NDST4: variants seen among roughly 807,000 people sequenced by gnomAD.
The protein encoded by NDST4 is N-heparan sulfate sulfotransferase 4.
Under a neutral mutation model 100.8 loss-of-function variants are expected in NDST4, and 63 were observed. The observed-to-expected ratio is 0.62, with a 90% CI of 0.51 to 0.77. The LOEUF (loss-of-function observed/expected upper bound fraction) is 0.77, where lower values mean the gene tolerates loss of function less well. Among genes scored for constraint, NDST4 ranks in the 30% least tolerant of loss-of-function variants. The pLI is 0.00. For missense variants in NDST4, 943 were observed against 1,018.4 expected, an observed-to-expected ratio of 0.93 and a Z score of 1.01; for synonymous variants, 377 against 361.8, an observed-to-expected ratio of 1.04 and a Z score of -0.48.
At chr4:115,084,877 A>AC (rs34684234) in intron 1 of NDST4, among the ~76,000 whole-genome samples, 89 of 151,900 alleles carry the variant, frequency 5.9e-4, no homozygotes, top group East Asian at 5.8e-3. Flanking sequence ...GGTTGTAGCC[A>AC]CCCCCCCCAC....
chr4:114,847,327 G>A (rs1723571258), intron 9 of NDST4, among the ~76,000 whole-genome samples: 1 of 105,838 alleles, frequency 9.4e-6, no homozygotes, highest in Admixed American at 1.2e-4. Context: ...AGTGAGCCGA[G>A]ATCCCGCCAC....
chr4:114,908,581 A>G (rs1725000130), intron 6 of NDST4, among the ~76,000 whole-genome samples: 1 of 152,114 alleles, frequency 6.6e-6, no homozygotes, highest in African/African-American at 2.4e-5. Flanking sequence ...CATTTTACTG[A>G]TTAGCAGCTG....
At chr4:115,097,191 A>C (rs549719731) in intron 1 of NDST4, among the ~76,000 whole-genome samples, 1 of 152,236 alleles carries the variant, frequency 6.6e-6, no homozygotes, top group South Asian at 2.1e-4. Flanking sequence ...AGTTTTAAGT[A>C]CTATTGATAA....
At chr4:115,096,410 A>G (rs1008337569) in intron 1 of NDST4, among the ~76,000 whole-genome samples, 3 of 151,986 alleles carry the variant, frequency 2.0e-5, no homozygotes, top group African/African-American at 7.2e-5. Flanking sequence ...ATTTTTCTCT[A>G]TCTTCAAACT....
At chr4:114,840,564 C>T (rs958528940) in intron 10 of NDST4, among the ~76,000 whole-genome samples, 1 of 152,090 alleles carries the variant, frequency 6.6e-6, no homozygotes, top group East Asian at 1.9e-4. Flanking sequence ...ACGGTTGAAG[C>T]TTTCAAGCTA....
chr4:115,017,745 A>G (rs1277151206), intron 2 of NDST4, among the ~76,000 whole-genome samples: 2 of 152,042 alleles, frequency 1.3e-5, no homozygotes, highest in Non-Finnish European at 2.9e-5. Context: ...AGGAACAAAA[A>G]GGCAATCATT....
chr4:114,968,172 C>T (rs1049026111), intron 4 of NDST4, among the ~76,000 whole-genome samples: 1 of 152,178 alleles, frequency 6.6e-6, no homozygotes, highest in African/African-American at 2.4e-5. Flanking sequence ...GAGTGATGAG[C>T]TATTAGCTTA....
At chr4:114,870,652 G>T in intron 7 of NDST4, 116 bp downstream of exon 7, 1 of 790,014 alleles carries the variant, frequency 1.3e-6, no homozygotes, top group South Asian at 4.1e-5. Context: ...GTATAAAAGA[G>T]GATTTTGTGT....
intron 2 of NDST4, among the ~76,000 whole-genome samples, chr4:115,064,995 T>TTA (rs1223525969): frequency 6.6e-6 from 1 of 152,140 alleles, no homozygotes; most frequent in East Asian, 1.9e-4. Flanking sequence ...TCCTCATCCT[T>TTA]CCAGCATCTT....
In NDST4 at chr4:114,986,810, A is replaced by G. The variant is rs1385583158; in HGVS notation, c.979-9536T>C. On this transcript the variant is annotated intron_variant, in intron 2 of 13. Coordinates refer to ENST00000264363, the MANE Select transcript of NDST4 (RefSeq NM_022569.3). The stretch of plus-strand genomic sequence containing the variant: ...CAATTATACATATATATATATATAT[A>G]TATATATATATATATATATATATTT... Among the ~76,000 whole-genome samples the G allele has an allele frequency of 3.4e-5, 4 of 116,844 alleles. 1 individual carries two copies. The highest frequency in any genetic ancestry group is 1.4e-4 in the African/African-American group (4 of 29,288). The allele number at this position is 116,844 out of a possible 152,430, so 76.7% of individuals were successfully genotyped here.
At chr4:114,889,455 T>C (rs1724547037) in intron 6 of NDST4, among the ~76,000 whole-genome samples, 2 of 152,286 alleles carry the variant, frequency 1.3e-5, no homozygotes, top group Non-Finnish European at 2.9e-5. Context: ...CAGAAGACCA[T>C]GATCATAAAG....
At chr4:114,940,787 C>T (rs968072376) in intron 4 of NDST4, among the ~76,000 whole-genome samples, 1 of 152,076 alleles carries the variant, frequency 6.6e-6, no homozygotes, top group Non-Finnish European at 1.5e-5. Context: ...TGTCCATGGT[C>T]GAACACTTCT....
intron 1 of NDST4, among the ~76,000 whole-genome samples, chr4:115,094,740 T>C (rs1729586904): frequency 6.6e-6 from 1 of 152,090 alleles, no homozygotes; most frequent in Non-Finnish European, 1.5e-5. Context: ...GCTGTCTTTA[T>C]AGAAGGGAGA....
intron 2 of NDST4, among the ~76,000 whole-genome samples, chr4:114,997,040 GTC>G (rs1483333789): frequency 1.3e-5 from 2 of 152,130 alleles, no homozygotes; most frequent in South Asian, 2.1e-4. Flanking sequence ...TTGCTTAAAT[GTC>G]TCTACCATGG....
chr4:115,030,444 C>T (rs781770870), intron 2 of NDST4, among the ~76,000 whole-genome samples: 4 of 152,006 alleles, frequency 2.6e-5, no homozygotes, highest in Non-Finnish European at 4.4e-5. Context: ...TTAATTCTCA[C>T]CCACACAAAA....
At chr4:114,994,346 T>C (rs1246546456) in intron 2 of NDST4, among the ~76,000 whole-genome samples, 1 of 151,998 alleles carries the variant, frequency 6.6e-6, no homozygotes, top group Admixed American at 6.6e-5. Context: ...GCAGAGAACC[T>C]TTCTTTCTTT....
At chr4:115,010,717 T>TTTTGTTGGTTTGTTTAAGAGGAAAGTAGG in intron 2 of NDST4, among the ~76,000 whole-genome samples, 1 of 67,174 alleles carries the variant, frequency 1.5e-5, no homozygotes. Context: ...TATGGCTCTT[T>TTTTGTTGGTTTGTTTAAGAGGAAAGTAGG]GTGACTTTGA....
intron 6 of NDST4, among the ~76,000 whole-genome samples, chr4:114,900,957 ATCTT>A (rs1553952506): frequency 6.6e-6 from 1 of 151,886 alleles, no homozygotes; most frequent in Non-Finnish European, 1.5e-5. Flanking sequence ...TTTTCTAGCT[ATCTT>A]TCTATTATTG....
At chr4:114,855,892 T>G (rs1462143847) in intron 7 of NDST4, among the ~76,000 whole-genome samples, 2 of 152,176 alleles carry the variant, frequency 1.3e-5, no homozygotes, top group African/African-American at 4.8e-5. Context: ...AATGATCGTT[T>G]TTGATATATT....
Sources: allele counts gnomAD v4.1 joint callset (sites outside exome capture counted in the v4.1 genomes callset), GRCh38; gene constraint gnomAD v4.1.1; transcripts MANE v1.5; gene names NCBI Gene and HGNC (gene_info 2026-07-23, HGNC 2026-07-21).